Variants in PINX1 observed in about 807,000 individuals in gnomAD.
The protein encoded by PINX1 is PIN2/TERF1-interacting telomerase inhibitor 1.
Under a neutral mutation model 25.4 loss-of-function variants are expected in PINX1, and 34 were observed. The ratio of observed to expected loss-of-function variants is 1.34; its 90% confidence interval spans 1.02 to 1.78. PINX1 has a LOEUF of 1.78. PINX1 is among the 40% of genes most tolerant of loss of function. The pLI is 0.00. For synonymous variants in PINX1, 197 were observed against 147.7 expected, an observed-to-expected ratio of 1.33 and a Z score of -2.42; for missense variants, 592 against 404.9, an observed-to-expected ratio of 1.46 and a Z score of -3.97.
intron 6 of PINX1, among the ~76,000 whole-genome samples, chr8:10,811,488 C>T (rs11774457): frequency 0.12 from 18,286 of 152,196 alleles, 1,657 homozygotes; most frequent in African/African-American, 0.25. Context: ...CACAATAAAC[C>T]ATCCTGACAC....
chr8:10,775,792 G>A (rs867874179), intron 6 of PINX1, among the ~76,000 whole-genome samples: 3 of 152,160 alleles, frequency 2.0e-5, no homozygotes, highest in Non-Finnish European at 4.4e-5. Flanking sequence ...GGCCTCAAAT[G>A]CAATCATTTG....
chr8:10,826,785 G>C (rs1331675971), intron 4 of PINX1, among the ~76,000 whole-genome samples: 1 of 152,132 alleles, frequency 6.6e-6, no homozygotes, highest in Non-Finnish European at 1.5e-5. Context: ...GAACATTCTC[G>C]ACATGACAAA....
intron 6 of PINX1, among the ~76,000 whole-genome samples, chr8:10,810,719 T>C (rs1440454094): frequency 6.6e-6 from 1 of 152,230 alleles, no homozygotes; most frequent in African/African-American, 2.4e-5. Flanking sequence ...ACCAAATGTC[T>C]GTACTTCCAC....
At chr8:10,838,256 A>C (rs1314530900) in intron 1 of PINX1, among the ~76,000 whole-genome samples, 1 of 152,260 alleles carries the variant, frequency 6.6e-6, no homozygotes, top group Non-Finnish European at 1.5e-5. Context: ...ATCTAATTAC[A>C]GAAGATGCTA....
At chr8:10,800,942 A>C (rs1802246646) in intron 6 of PINX1, among the ~76,000 whole-genome samples, 1 of 152,182 alleles carries the variant, frequency 6.6e-6, no homozygotes, top group African/African-American at 2.4e-5. Flanking sequence ...TCCTTTCTGC[A>C]AGATGGACAC....
intron 6 of PINX1, among the ~76,000 whole-genome samples, chr8:10,800,700 C>G (rs770727365): frequency 1.3e-5 from 2 of 152,144 alleles, no homozygotes; most frequent in Non-Finnish European, 2.9e-5. Flanking sequence ...GAACTCCTGA[C>G]CTCAAGTGAT....
In PINX1 at chr8:10,769,038, G is replaced by A. The variant is rs779342087; in HGVS notation, c.472-3122C>T. 4.6e-5 allele frequency among the ~76,000 whole-genome samples: 7 copies of A among 152,224 alleles called. No individual in the cohort carries two copies. The East Asian group carries it at 5.8e-4, about 13-fold the overall frequency. ...ATGCGACATTCACTGCTTCATAAAC[G>A]TTGAGAATGTCTGTTTGCTAACTGT... On this transcript the variant is annotated intron_variant, in intron 6 of 6. Transcript: ENST00000314787.
chr8:10,830,807 T>C (rs987782225), intron 4 of PINX1, among the ~76,000 whole-genome samples: 4 of 152,202 alleles, frequency 2.6e-5, no homozygotes, highest in Non-Finnish European at 5.9e-5. Context: ...ATCAAAATTA[T>C]AAAAGATAAT....
chr8:10,794,460 G>T (rs1308349419), intron 6 of PINX1, among the ~76,000 whole-genome samples: 7 of 151,238 alleles, frequency 4.6e-5, no homozygotes, highest in Non-Finnish European at 7.4e-5. Context: ...TTGAGACGGA[G>T]TTTCGCTCTT....
Position 10,839,734 on chromosome 8 carries a change from T to C in PINX1, c.19+4A>G, listed in dbSNP as rs566705210. On this transcript the variant is annotated splice_donor_region_variant and intron_variant, in intron 1 of 6. Coordinates refer to ENST00000314787, the MANE Select transcript of PINX1 (RefSeq NM_017884.6). ...TGGGTCGGGCCTCCGCTTCCGACAC[T>C]CACGTTCAGCCAGCATAGACATGTC... 7 of 1,604,572 alleles carry C rather than the reference T, an allele frequency of 4.4e-6. No individual in the cohort carries two copies. Among genetic ancestry groups the C allele is most frequent in the African/African-American group, 4.0e-5 (3 of 74,824 alleles).
chr8:10,780,739 G>A (rs191063272), intron 6 of PINX1, among the ~76,000 whole-genome samples: 2 of 152,254 alleles, frequency 1.3e-5, no homozygotes, highest in Non-Finnish European at 2.9e-5. Context: ...GATATTCCAT[G>A]CTTATGAATT....
chr8:10,826,687 G>A (rs892200906), intron 4 of PINX1, among the ~76,000 whole-genome samples: 5 of 152,164 alleles, frequency 3.3e-5, no homozygotes, highest in African/African-American at 4.8e-5. Flanking sequence ...AGCGGCGGCC[G>A]CTGCCACCGC....
intron 6 of PINX1, among the ~76,000 whole-genome samples, chr8:10,810,949 G>T (rs746680790): frequency 6.6e-6 from 1 of 152,164 alleles, no homozygotes; most frequent in Non-Finnish European, 1.5e-5. Flanking sequence ...TTGTGACTAC[G>T]CACACACAGA....
At chr8:10,787,854 G>T in intron 6 of PINX1, 1 of 455,688 alleles carries the variant, frequency 2.2e-6, no homozygotes, top group Admixed American at 2.4e-5. Context: ...GAAGGAATGA[G>T]AACCTATTGG....
At chr8:10,802,387 T>C (rs141058369) in intron 6 of PINX1, among the ~76,000 whole-genome samples, 8 of 152,254 alleles carry the variant, frequency 5.3e-5, no homozygotes, top group East Asian at 3.9e-4. Context: ...AAGAACAAGG[T>C]TGACGTGTAT....
Position 10,807,263 on chromosome 8 carries a change from T to C in PINX1, c.471+12930A>G, listed in dbSNP as rs1050562957. Among the ~76,000 whole-genome samples the C allele has an allele frequency of 8.1e-5, 12 of 148,940 alleles. No homozygotes were observed. The South Asian group carries it at 1.5e-3, about 19-fold the overall frequency. On this transcript the variant is annotated intron_variant, in intron 6 of 6. Coordinates refer to ENST00000314787, the MANE Select transcript of PINX1 (RefSeq NM_017884.6). ...ACATAGCTCTTGAAAATTAAAAATATGACAGCAAAACTTACCTTATAATAA... is the reference window on the plus strand; with the variant it reads ...ACATAGCTCTTGAAAATTAAAAATACGACAGCAAAACTTACCTTATAATAA...
chr8:10,805,382 T>C (rs1442539939), intron 6 of PINX1, among the ~76,000 whole-genome samples: 1 of 152,266 alleles, frequency 6.6e-6, no homozygotes, highest in Non-Finnish European at 1.5e-5. Context: ...CATATTTCCA[T>C]GATACACTTT....
At chr8:10,800,210 C>T (rs542796302) in intron 6 of PINX1, among the ~76,000 whole-genome samples, 2 of 152,322 alleles carry the variant, frequency 1.3e-5, no homozygotes, top group South Asian at 4.1e-4. Context: ...TGATGTACAG[C>T]ATTTGGTATT....
intron 6 of PINX1, among the ~76,000 whole-genome samples, chr8:10,772,176 A>AT (rs1489352587): frequency 1.3e-5 from 2 of 152,278 alleles, no homozygotes; most frequent in African/African-American, 4.8e-5. Context: ...TGCATACCAC[A>AT]TACAAAGGTA....
Sources: allele counts gnomAD v4.1 joint callset (sites outside exome capture counted in the v4.1 genomes callset), GRCh38; gene constraint gnomAD v4.1.1; transcripts MANE v1.5; gene names NCBI Gene and HGNC (gene_info 2026-07-23, HGNC 2026-07-21).